The following SNX1 variants were observed in gnomAD, a reference collection of about 807,000 sequenced individuals.
SNX1 encodes the protein sorting nexin 1.
SNX1 carries 36 observed loss-of-function variants against 71.8 expected under a neutral mutation model. The observed-to-expected ratio is 0.50, with a 90% CI of 0.38 to 0.66. The LOEUF (loss-of-function observed/expected upper bound fraction) is 0.66, where lower values mean the gene tolerates loss of function less well. Ranked by LOEUF, SNX1 falls within the 30% of genes least tolerant of loss-of-function variation. The pLI is 0.00. For missense variants in SNX1, 612 were observed against 646.7 expected, an observed-to-expected ratio of 0.95 and a Z score of 0.58; for synonymous variants, 254 against 240.7, an observed-to-expected ratio of 1.06 and a Z score of -0.51.
In SNX1 at chr15:64,130,300, A is replaced by G. The variant is rs766481861; in HGVS notation, c.994A>G (p.Thr332Ala). 8 of 1,613,946 alleles carry G rather than the reference A, an allele frequency of 5.0e-6. No individual in the cohort carries two copies. In the Admixed American group the frequency reaches 1.0e-4, roughly 20 times the overall value. ...ACGGAAACTGCATGCTGTTGTAGAA[A>G]CTCTAGTCAACCATAGGAAAGGTAA... ...RLRKLHAVVE[T>A]LVNHRKELAL... Residue 332 changes from threonine (T) to alanine (A), a missense_variant, in exon 10 of 15, where the codon ACT becomes GCT. Around this residue, in one of 2 missense-constraint regions of SNX1, gnomAD observed 296 missense variants for 361.9 expected, o/e 0.82. Transcript: ENST00000559844.
chr15:64,127,377 C>T (rs1388925103), intron 7 of SNX1, 125 bp downstream of exon 7: 2 of 722,912 alleles, frequency 2.8e-6, no homozygotes, highest in African/African-American at 1.8e-5. Context: ...AGTTGCACAC[C>T]TCCATATTAT....
chr15:64,136,021 C>T (rs891385780), intron 12 of SNX1, among the ~76,000 whole-genome samples: 1 of 152,198 alleles, frequency 6.6e-6, no homozygotes, highest in Non-Finnish European at 1.5e-5. Context: ...TTAAGTTTTC[C>T]AGGCCTTTCA....
chr15:64,120,342 G>C (rs557070034), intron 4 of SNX1, among the ~76,000 whole-genome samples: 13 of 140,898 alleles, frequency 9.2e-5, no homozygotes, highest in African/African-American at 3.5e-4. Flanking sequence ...TATGATCACA[G>C]CTCACTGCAG....
In SNX1 at chr15:64,138,975, A is replaced by G. The variant is rs1398303643; in HGVS notation, c.*1357A>G. Reference sequence around the variant, plus strand: ...GAGGCAACCTGAGACAAGAAAACGCAGTAAACATTCTGATTCCCTGTACAC... The same window carrying G: ...GAGGCAACCTGAGACAAGAAAACGCGGTAAACATTCTGATTCCCTGTACAC... On this transcript the variant is annotated 3_prime_UTR_variant, in exon 15 of 15. Transcript: ENST00000559844. The G allele has an allele frequency of 2.0e-5, 3 of 152,252 alleles. No individual in the cohort carries two copies. Among genetic ancestry groups the G allele is most frequent in the Non-Finnish European group, 2.9e-5 (2 of 68,064 alleles). The allele number at this position is 152,252 out of a possible 1,614,324, so 9.4% of individuals were successfully genotyped here. A position where few individuals can be genotyped will look rare whatever the true frequency, so the allele number is the denominator to read the frequency against.
At chr15:64,108,484 T>A (rs1329277600) in intron 1 of SNX1, among the ~76,000 whole-genome samples, 2 of 152,190 alleles carry the variant, frequency 1.3e-5, no homozygotes, top group Non-Finnish European at 2.9e-5. Context: ...TTGTTTTCTT[T>A]TAACTGCACC....
intron 1 of SNX1, among the ~76,000 whole-genome samples, chr15:64,105,735 ATGTC>A (rs1263470701): frequency 6.6e-6 from 1 of 152,350 alleles, no homozygotes; most frequent in Non-Finnish European, 1.5e-5. Context: ...ATTCAGTAGA[ATGTC>A]TGAGGCTAAA....
chr15:64,110,600 C>G (rs542186160), intron 1 of SNX1, among the ~76,000 whole-genome samples: 1 of 152,244 alleles, frequency 6.6e-6, no homozygotes, highest in Admixed American at 6.5e-5. Flanking sequence ...CAGGGCCTCA[C>G]TGTGTTGCTG....
intron 2 of SNX1, among the ~76,000 whole-genome samples, chr15:64,116,455 A>C (rs577233987): frequency 6.6e-5 from 10 of 152,176 alleles, no homozygotes; most frequent in Non-Finnish European, 1.3e-4. Context: ...CACCTTTCTC[A>C]CTTTCCTGAT....
intron 1 of SNX1, among the ~76,000 whole-genome samples, chr15:64,097,579 T>G (rs1391591833): frequency 2.0e-5 from 3 of 152,166 alleles, no homozygotes; most frequent in East Asian, 3.8e-4. Context: ...GCCTCAGTAA[T>G]AAATATCCGG....
intron 5 of SNX1, among the ~76,000 whole-genome samples, chr15:64,125,181 G>A (rs1025157823): frequency 3.9e-5 from 6 of 152,184 alleles, no homozygotes; most frequent in Non-Finnish European, 8.8e-5. Context: ...AAGTCAATGA[G>A]GCTTGGCGCA....
At position 64,142,477 on chromosome 15, in the gene SNX1, C is replaced by T. The variant is rs558443725; in HGVS notation, c.*4859C>T. On this transcript the variant is annotated 3_prime_UTR_variant, in exon 15 of 15. Transcript: ENST00000559844. ...AAGAGAAAGAGAATGACTATCAGAG[C>T]CATGTTTGGAAGAAAATGGGGTCCA... The T allele has an allele frequency of 6.0e-6, 2 of 334,064 alleles. No homozygotes were observed. Among genetic ancestry groups the T allele is most frequent in the Middle Eastern group, 1.2e-3 (2 of 1,670 alleles). The allele number at this position is 334,064 out of a possible 1,614,324, so 20.7% of individuals were successfully genotyped here.
At position 64,138,331 on chromosome 15, in the gene SNX1, T is replaced by C; in HGVS notation, c.*713T>C. 2.0e-5 allele frequency: 16 copies of C among 804,612 alleles called. No homozygotes were observed. The highest frequency in any genetic ancestry group is 2.4e-5 in the Non-Finnish European group (13 of 550,042). 49.8% of individuals were successfully genotyped at this position (804,612 alleles called of 1,614,324 possible). A position where few individuals can be genotyped will look rare whatever the true frequency, so the allele number is the denominator to read the frequency against. ...GCAGAGACTTTCTCTCTCTCTTTTT[T>C]TTTTTTTTTTGGTGTCCCTATCATT... On this transcript the variant is annotated 3_prime_UTR_variant, in exon 15 of 15. Coordinates refer to ENST00000559844, the MANE Select transcript of SNX1 (RefSeq NM_003099.5).
chr15:64,142,720 G>A lies in SNX1; in HGVS notation c.*5102G>A, dbSNP rs1022159330. 10 of 455,896 alleles carry A rather than the reference G, an allele frequency of 2.2e-5. No individual in the cohort carries two copies. The highest frequency in any genetic ancestry group is 3.1e-5 in the South Asian group (2 of 64,556). The allele number at this position is 455,896 out of a possible 1,614,324, so 28.2% of individuals were successfully genotyped here. ...TTGGCTAGTTCAGCGTTTGGGCTCCGGAGTGCTGAAGATGAGGACTGGACT... is the reference window on the plus strand; with the variant it reads ...TTGGCTAGTTCAGCGTTTGGGCTCCAGAGTGCTGAAGATGAGGACTGGACT... On this transcript the variant is annotated 3_prime_UTR_variant, in exon 15 of 15. Coordinates refer to ENST00000559844, the MANE Select transcript of SNX1 (RefSeq NM_003099.5).
chr15:64,140,087 T>C lies in SNX1; in HGVS notation c.*2469T>C, dbSNP rs2081398319. ...TAAATTTACGATTTCCTCTTTGTAA[T>C]TTACAAGTAATTTGTGGGGAGATAC... On this transcript the variant is annotated 3_prime_UTR_variant, in exon 15 of 15. Transcript: ENST00000559844. 1 of 152,298 alleles carries C rather than the reference T, an allele frequency of 6.6e-6. No individual in the cohort carries two copies. The highest frequency in any genetic ancestry group is 2.4e-5 in the African/African-American group (1 of 41,478). 9.4% of individuals were successfully genotyped at this position (152,298 alleles called of 1,614,324 possible). A position where few individuals can be genotyped will look rare whatever the true frequency, so the allele number is the denominator to read the frequency against.
At chr15:64,115,453 G>A (rs1251976721) in intron 2 of SNX1, 3 of 302,328 alleles carry the variant, frequency 9.9e-6, no homozygotes, top group Admixed American at 4.7e-5. Context: ...GAGCCTGAAT[G>A]CTTTTCCAGT....
At chr15:64,109,461 G>A (rs1045052844) in intron 1 of SNX1, among the ~76,000 whole-genome samples, 4 of 152,154 alleles carry the variant, frequency 2.6e-5, no homozygotes, top group Admixed American at 1.3e-4. Flanking sequence ...TGAATGGAAA[G>A]AAATTTTCAC....
chr15:64,123,365 A>G (rs1038185476), intron 4 of SNX1, 138 bp from the exon 5 acceptor site: 4 of 727,768 alleles, frequency 5.5e-6, no homozygotes, highest in Non-Finnish European at 7.1e-6. Flanking sequence ...CTAAGATTGC[A>G]TATAAAGCTT....
intron 1 of SNX1, among the ~76,000 whole-genome samples, chr15:64,103,880 C>A (rs1315291782): frequency 6.6e-6 from 1 of 152,144 alleles, no homozygotes; most frequent in African/African-American, 2.4e-5. Flanking sequence ...AAAGGTGTAT[C>A]ACTTAGTTTG....
intron 1 of SNX1, among the ~76,000 whole-genome samples, chr15:64,102,641 T>C (rs564246655): frequency 1.3e-5 from 2 of 152,290 alleles, no homozygotes; most frequent in East Asian, 3.9e-4. Context: ...TGTCTTTCTG[T>C]GCCTGACTTC....
Sources: allele counts gnomAD v4.1 joint callset (sites outside exome capture counted in the v4.1 genomes callset), GRCh38; gene constraint gnomAD v4.1.1; regional missense constraint gnomAD v4.1.1; transcripts MANE v1.5; gene names NCBI Gene and HGNC (gene_info 2026-07-23, HGNC 2026-07-21).